Variants in CWF19L1 observed in about 807,000 individuals in gnomAD.
The protein encoded by CWF19L1 is CWF19 like cell cycle control factor 1, also known as CWF19-like protein 1.
CWF19L1 carries 60 observed loss-of-function variants against 69.7 expected under a neutral mutation model. The observed-to-expected ratio is 0.86, with a 90% CI of 0.70 to 1.07. The LOEUF (loss-of-function observed/expected upper bound fraction) is 1.07, where lower values mean the gene tolerates loss of function less well. Among genes scored for constraint, CWF19L1 ranks in the 50% least tolerant of loss-of-function variants. The probability of loss-of-function intolerance (pLI) is 0.00; values close to 1 mark genes in which losing one functional copy is unlikely to be tolerated. For synonymous variants in CWF19L1, 209 were observed against 222.2 expected (o/e 0.94, Z 0.53); for missense variants, 591 against 638.9 (o/e 0.92, Z 0.81).
chr10:100,267,499 C>A, intron 1 of CWF19L1, 72 bp downstream of exon 1: 1 of 1,613,352 alleles, frequency 6.2e-7, no homozygotes, highest in South Asian at 1.1e-5. Context: ...ATGGGAAAGA[C>A]TCCCGCCCGT....
At chr10:100,234,967 G>A (rs1379352786) in intron 13 of CWF19L1, among the ~76,000 whole-genome samples, 6 of 152,186 alleles carry the variant, frequency 3.9e-5, no homozygotes, top group African/African-American at 1.4e-4. Context: ...ACTAGGACAA[G>A]CTACCTAAGC....
rs748376341 is a variant in CWF19L1, at chr10:100,246,883, A to T, written c.761T>A (p.Leu254Gln). The T allele has an allele frequency of 6.2e-7, 1 of 1,614,026 alleles. No individual in the cohort carries two copies. The highest frequency in any genetic ancestry group is 1.1e-5 in the South Asian group (1 of 91,080). Residue 254 changes from leucine (L) to glutamine (Q), a missense_variant, in exon 8 of 14, where the codon CTG becomes CAG. Around this residue, in one of 3 missense-constraint regions of CWF19L1, gnomAD observed 458 missense variants for 489.3 expected, o/e 0.94. Transcript: ENST00000354105. ...VPMKLMDAAE[L>Q]VKQPPDVTEN... ...AGTGACATCCGGAGGCTGTTTTACC[A>T]GTTCTGCTGCATCCATTAGCTTCAT...
intron 11 of CWF19L1, 71 bp downstream of exon 11, chr10:100,237,951 T>C (rs1846501928): frequency 6.9e-7 from 1 of 1,454,330 alleles, no homozygotes. Flanking sequence ...GCCCAGCCTA[T>C]TTAAATACTT....
At chr10:100,257,764 G>T (rs1365319332) in intron 4 of CWF19L1, among the ~76,000 whole-genome samples, 2 of 151,994 alleles carry the variant, frequency 1.3e-5, no homozygotes, top group Non-Finnish European at 1.5e-5. Flanking sequence ...GCACTTTTAT[G>T]TCTTTGTTCC....
intron 4 of CWF19L1, among the ~76,000 whole-genome samples, chr10:100,258,309 T>C (rs1847279533): frequency 6.6e-6 from 1 of 152,212 alleles, no homozygotes; most frequent in Admixed American, 6.5e-5. Flanking sequence ...AAGCTCACTA[T>C]CACATGTTCA....
chr10:100,248,662 G>A (rs1264857574), intron 7 of CWF19L1: 4 of 868,740 alleles, frequency 4.6e-6, no homozygotes, highest in Non-Finnish European at 7.7e-6. Flanking sequence ...TCACTTTGAT[G>A]CTGGAGAACT....
chr10:100,262,278 T>G, intron 1 of CWF19L1: 1 of 985,448 alleles, frequency 1.0e-6, no homozygotes, highest in Non-Finnish European at 1.2e-6. Context: ...TATCATTTAC[T>G]CCACAATTGA....
rs1846981751 is a variant in CWF19L1 at position 100,250,301 on chromosome 10, G to T, written c.655C>A (p.His219Asn). 1 of 1,612,570 alleles carries T rather than the reference G, an allele frequency of 6.2e-7. No homozygotes were observed. Among genetic ancestry groups the T allele is most frequent in the Non-Finnish European group, 8.5e-7 (1 of 1,178,776 alleles). ...GCCAGAGCTATAAACCGGGTGGCAT[G>T]CTGTGCATTTTCCTGTAGAATGATA... ...NHIILQENAQHATRFIALANV... is the reference protein window; with the variant it reads ...NHIILQENAQNATRFIALANV... Residue 219 changes from histidine (H) to asparagine (N), a missense_variant, in exon 7 of 14, where the codon CAT (histidine) becomes AAT (asparagine). Coordinates refer to ENST00000354105, the MANE Select transcript of CWF19L1 (RefSeq NM_018294.6).
In CWF19L1 at chr10:100,267,626, TA is replaced by T; in HGVS notation, c.-34del. 2 of 1,613,958 alleles carry T rather than the reference TA, an allele frequency of 1.2e-6. No individual in the cohort carries two copies. The highest frequency in any genetic ancestry group is 1.7e-4 in the Middle Eastern group (1 of 6,060). On this transcript the variant is annotated 5_prime_UTR_variant, in exon 1 of 14. Coordinates refer to ENST00000354105, the MANE Select transcript of CWF19L1 (RefSeq NM_018294.6). ...AATAGTATGGGTTGCGACTGCCACCTAAAATTGGGAATGCGAATCCGCGCTC... is the reference window on the plus strand; with the variant it reads ...AATAGTATGGGTTGCGACTGCCACCTAAATTGGGAATGCGAATCCGCGCTC...
intron 12 of CWF19L1, among the ~76,000 whole-genome samples, chr10:100,236,312 T>C: frequency 6.6e-6 from 1 of 152,058 alleles, no homozygotes. Flanking sequence ...TCTCACTTTG[T>C]TGCCCAGGCT....
At chr10:100,265,502 C>T (rs928829178) in intron 1 of CWF19L1, among the ~76,000 whole-genome samples, 3 of 148,196 alleles carry the variant, frequency 2.0e-5, no homozygotes, top group African/African-American at 7.5e-5. Flanking sequence ...TTCCTGTATA[C>T]AGTATTTTCT....
intron 8 of CWF19L1, 92 bp downstream of exon 8, chr10:100,246,703 T>C (rs1846834531): frequency 6.3e-6 from 8 of 1,266,700 alleles, no homozygotes; most frequent in Non-Finnish European, 8.5e-6. Context: ...AAAAAAAAGA[T>C]TTAGATTCTA....
In CWF19L1 at chr10:100,233,143, G is replaced by C; in HGVS notation, c.*84C>G. ...TGCTTGGGTGACAGAGCGAGACTTTGTCTCAAAAAAAATTCTTTTAATTAA... is the reference window on the plus strand; with the variant it reads ...TGCTTGGGTGACAGAGCGAGACTTTCTCTCAAAAAAAATTCTTTTAATTAA... On this transcript the variant is annotated 3_prime_UTR_variant, in exon 14 of 14. Coordinates refer to ENST00000354105, the MANE Select transcript of CWF19L1 (RefSeq NM_018294.6). The C allele has an allele frequency of 7.2e-7, 1 of 1,381,878 alleles. No individual in the cohort carries two copies. The highest frequency in any genetic ancestry group is 9.7e-7 in the Non-Finnish European group (1 of 1,033,886). 85.6% of individuals were successfully genotyped at this position (1,381,878 alleles called of 1,614,324 possible).
Position 100,256,271 on chromosome 10 carries a change from C to G in CWF19L1, c.495G>C (p.Gly165=). The part of the protein sequence containing the change: ...SPWPKCVGNF[G]NSSGEVDTKK... The stretch of plus-strand genomic sequence containing the variant: ...AACAAACACTACTCACAGAAGAATT[C>G]CCAAAGTTCCCCACACACTTGGGCC... The change falls in exon 5 of 14, where the codon GGG becomes GGC. Residue 165 remains glycine (G), a synonymous_variant. Coordinates refer to ENST00000354105, the MANE Select transcript of CWF19L1 (RefSeq NM_018294.6). 1 of 1,613,786 alleles carries G rather than the reference C, an allele frequency of 6.2e-7. No individual in the cohort carries two copies. The highest frequency in any genetic ancestry group is 1.3e-5 in the African/African-American group (1 of 75,022).
At chr10:100,258,911 A>AG in intron 4 of CWF19L1, among the ~76,000 whole-genome samples, 1 of 151,472 alleles carries the variant, frequency 6.6e-6, no homozygotes, top group Non-Finnish European at 1.5e-5. Flanking sequence ...CAACTAAAAA[A>AG]AAAAAAAAAA....
chr10:100,252,920 T>C (rs11190437), intron 6 of CWF19L1, among the ~76,000 whole-genome samples: 5 of 152,166 alleles, frequency 3.3e-5, no homozygotes, highest in Non-Finnish European at 7.3e-5. Context: ...TATTTTTTAT[T>C]GTATACAACA....
At chr10:100,249,039 A>T (rs537051273) in intron 7 of CWF19L1, 1 of 585,666 alleles carries the variant, frequency 1.7e-6, no homozygotes, top group African/African-American at 1.8e-5. Context: ...GCTCCCTGCC[A>T]GCGGGGCAGT....
intron 7 of CWF19L1, among the ~76,000 whole-genome samples, chr10:100,249,521 TATCACTA>T (rs1349347784): frequency 6.6e-6 from 1 of 152,154 alleles, no homozygotes; most frequent in Admixed American, 6.5e-5. Flanking sequence ...AGATTCCAGG[TATCACTA>T]AGATTTCCCT....
At chr10:100,246,620 C>T (rs1846829253) in intron 8 of CWF19L1, among the ~76,000 whole-genome samples, 175 bp downstream of exon 8, 1 of 152,122 alleles carries the variant, frequency 6.6e-6, no homozygotes, top group Non-Finnish European at 1.5e-5. Flanking sequence ...TAACCCCAAA[C>T]TACAATAAAA....
Sources: allele counts gnomAD v4.1 joint callset (sites outside exome capture counted in the v4.1 genomes callset), GRCh38; gene constraint gnomAD v4.1.1; regional missense constraint gnomAD v4.1.1; transcripts MANE v1.5; gene names NCBI Gene and HGNC (gene_info 2026-07-23, HGNC 2026-07-21).